The following TTLL7 variants were observed in gnomAD, a reference collection of about 807,000 sequenced individuals.
TTLL7 encodes tubulin tyrosine ligase like 7.
A neutral mutation model predicts 120.2 loss-of-function variants in TTLL7; 53 were observed. The ratio of observed to expected loss-of-function variants is 0.44; its 90% CI spans 0.35 to 0.55. TTLL7 has a LOEUF of 0.55. Ranked by LOEUF, TTLL7 falls within the 20% of genes least tolerant of loss-of-function variation. TTLL7 has a pLI of 0.00. For synonymous variants in TTLL7, 353 were observed against 351.7 expected, an observed-to-expected ratio of 1.00 and a Z score of -0.04; for missense variants, 803 against 1,054.7, an observed-to-expected ratio of 0.76 and a Z score of 3.31.
At chr1:83,904,951 AT>A (rs747688816) in intron 17 of TTLL7, among the ~76,000 whole-genome samples, 8 of 151,978 alleles carry the variant, frequency 5.3e-5, no homozygotes, top group Admixed American at 1.3e-4. Context: ...TATTCATTAT[AT>A]TTTATTAATT....
At chr1:83,948,719 T>A in intron 4 of TTLL7, 24 bp from the exon 5 acceptor site, 4 of 1,519,074 alleles carry the variant, frequency 2.6e-6, no homozygotes, top group Non-Finnish European at 3.6e-6. Context: ...AGGTAAATAT[T>A]AATATTCTCA....
intron 5 of TTLL7, chr1:83,947,691 T>G (rs1479998808): frequency 1.3e-5 from 2 of 153,502 alleles, no homozygotes; most frequent in Non-Finnish European, 2.9e-5. Flanking sequence ...CAAGGTAACA[T>G]GTAGGAGTCA....
At chr1:83,882,545 A>G (rs1654612456) in intron 20 of TTLL7, 1 of 152,534 alleles carries the variant, frequency 6.6e-6, no homozygotes, top group South Asian at 2.1e-4. Context: ...TTTGGTAATG[A>G]AAGGAATAGC....
intron 18 of TTLL7, among the ~76,000 whole-genome samples, chr1:83,902,727 T>C (rs1656827868): frequency 6.6e-6 from 1 of 152,070 alleles, no homozygotes; most frequent in Middle Eastern, 3.4e-3. Context: ...TTAAATATCT[T>C]AGAGACTCCT....
chr1:83,916,980 A>G (rs1658244835), intron 14 of TTLL7, among the ~76,000 whole-genome samples: 1 of 152,070 alleles, frequency 6.6e-6, no homozygotes, highest in African/African-American at 2.4e-5. Flanking sequence ...ATGTGCCTGT[A>G]ATCCCAGCTA....
chr1:83,870,799 A>T (rs2100689191), intron 20 of TTLL7, among the ~76,000 whole-genome samples: 1 of 151,540 alleles, frequency 6.6e-6, no homozygotes, highest in Non-Finnish European at 1.5e-5. Context: ...AATCCCAGCC[A>T]CTTGGGAGGC....
chr1:83,926,010 A>G (rs942464274), intron 10 of TTLL7, among the ~76,000 whole-genome samples: 3 of 151,570 alleles, frequency 2.0e-5, no homozygotes, highest in South Asian at 4.2e-4. Context: ...AATCCCAGCT[A>G]CTCGGGAGGC....
chr1:83,916,668 A>G (rs1339324991), intron 14 of TTLL7, among the ~76,000 whole-genome samples: 1 of 152,090 alleles, frequency 6.6e-6, no homozygotes, highest in African/African-American at 2.4e-5. Flanking sequence ...ATGATAGAAG[A>G]CAAAGTGGCT....
At chr1:83,946,908 CCTG>C (rs1372344119) in intron 6 of TTLL7, among the ~76,000 whole-genome samples, 1 of 152,058 alleles carries the variant, frequency 6.6e-6, no homozygotes, top group African/African-American at 2.4e-5. Flanking sequence ...AGCCTCACAA[CCTG>C]CTGATTAAAT....
At chr1:83,919,923 T>TCTA (rs1658502354) in intron 12 of TTLL7, 89 bp from the exon 13 acceptor site, 1 of 1,282,886 alleles carries the variant, frequency 7.8e-7, no homozygotes, top group Non-Finnish European at 1.1e-6. Context: ...TCCTTGACCA[T>TCTA]CTATTCTATA....
rs115468397 is a variant in TTLL7, at chr1:83,935,848, A to G, written c.888+2004T>C. ...ATTGATTCACCTTAAACAGTTATCT[A>G]TATAAAGTATACCAATTCTTAATAA... On this transcript the variant is annotated intron_variant, in intron 8 of 20. Transcript: ENST00000260505. 1.9e-3 allele frequency among the ~76,000 whole-genome samples: 287 copies of G among 152,298 alleles called. 2 individuals carry two copies. Among genetic ancestry groups the G allele is most frequent in the African/African-American group, 6.6e-3 (273 of 41,586 alleles).
chr1:83,939,979 C>T (rs1187667384), intron 7 of TTLL7, among the ~76,000 whole-genome samples: 1 of 152,082 alleles, frequency 6.6e-6, no homozygotes, highest in East Asian at 1.9e-4. Flanking sequence ...CTGTATTTCA[C>T]TTTTTAATAT....
chr1:83,934,473 C>T (rs1464955467), intron 8 of TTLL7, among the ~76,000 whole-genome samples: 4 of 152,134 alleles, frequency 2.6e-5, no homozygotes, highest in African/African-American at 9.7e-5. Flanking sequence ...AGTTGAGTTT[C>T]TTTATTCAGT....
intron 18 of TTLL7, among the ~76,000 whole-genome samples, chr1:83,897,477 C>G (rs1264109604): frequency 6.6e-6 from 1 of 152,064 alleles, no homozygotes; most frequent in South Asian, 2.1e-4. Context: ...TCACGCACAG[C>G]CTTTGTGGCA....
rs200764104 is a variant in TTLL7, at chr1:83,870,049, C to T, written c.2577G>A (p.Leu859=). ...YLLPGSTQFF[L]RTPTYNLKYN... ...ACTTCAAGTTGTAGGTTGGTGTTCT[C>T]AAGAAGAATTGGGTGCTCCCTGGTA... The change falls in exon 21 of 21, where the codon TTG becomes TTA. Residue 859 remains leucine, a synonymous_variant. Transcript: ENST00000260505. 6.2e-5 allele frequency: 98 copies of T among 1,579,054 alleles called. No homozygotes were observed. The highest frequency in any genetic ancestry group is 7.4e-5 in the Non-Finnish European group (86 of 1,167,810).
chr1:83,973,353 A>G (rs1050106032), intron 1 of TTLL7, among the ~76,000 whole-genome samples: 2 of 152,118 alleles, frequency 1.3e-5, no homozygotes, highest in African/African-American at 4.8e-5. Flanking sequence ...TTGCCTTTGC[A>G]TCATTGTCAA....
At chr1:83,974,323 C>T (rs1170568387) in intron 1 of TTLL7, among the ~76,000 whole-genome samples, 5 of 151,708 alleles carry the variant, frequency 3.3e-5, no homozygotes, top group Admixed American at 2.0e-4. Flanking sequence ...CCAAAGACTA[C>T]GACAAAATTA....
rs1487262122 is a variant in TTLL7 at position 83,947,276 on chromosome 1, G to A, written c.354C>T (p.Ile118=). Residue 118 remains isoleucine, a synonymous_variant, in exon 6 of 21, where the codon ATC becomes ATT. Coordinates refer to ENST00000260505, the MANE Select transcript of TTLL7 (RefSeq NM_024686.6). ...DFLARNMTKM[I]KSRPLDYTFV... is the part of the protein sequence containing the mutation. ...AGGTATAATCCAGAGGCCGAGACTT[G>A]ATCATTCTGTAAATTGGACATAATA... 1 of 1,597,264 alleles carries A rather than the reference G, an allele frequency of 6.3e-7. No homozygotes were observed. The highest frequency in any genetic ancestry group is 1.1e-5 in the South Asian group (1 of 87,082).
chr1:83,938,607 G>C (rs1304269446), intron 7 of TTLL7, among the ~76,000 whole-genome samples: 1 of 152,064 alleles, frequency 6.6e-6, no homozygotes, highest in African/African-American at 2.4e-5. Flanking sequence ...ATACTGTGCA[G>C]GTGTACAGTA....
Sources: allele counts gnomAD v4.1 joint callset (sites outside exome capture counted in the v4.1 genomes callset), GRCh38; gene constraint gnomAD v4.1.1; transcripts MANE v1.5; gene names NCBI Gene and HGNC (gene_info 2026-07-23, HGNC 2026-07-21).